The following MYO15A variants were observed in gnomAD, a reference collection of about 807,000 sequenced individuals.
The protein encoded by MYO15A is myosin XVA.
Under a neutral mutation model 394.6 loss-of-function variants are expected in MYO15A, and 308 were observed. The observed-to-expected ratio is 0.78, with a 90% CI of 0.71 to 0.86. The LOEUF (loss-of-function observed/expected upper bound fraction) is 0.86. MYO15A is among the 40% of genes least tolerant of loss of function. The pLI is 0.00. For synonymous variants in MYO15A, 1,957 were observed against 2,003.8 expected (o/e 0.98, Z 0.62); for missense variants, 4,606 against 4,799.1 (o/e 0.96, Z 1.19).
At chr17:18,127,017 G>T in intron 6 of MYO15A, 58 bp from the exon 7 acceptor site, 2 of 1,608,154 alleles carry the variant, frequency 1.2e-6, no homozygotes, top group Non-Finnish European at 1.7e-6. Flanking sequence ...TGGGAGTCAG[G>T]GTGCCCCAGA....
intron 15 of MYO15A, 142 bp from the exon 16 acceptor site, chr17:18,137,442 G>T: frequency 1.4e-6 from 1 of 719,854 alleles, no homozygotes. Context: ...TCTGTCCTGG[G>T]TGCAGCAGGA....
At position 18,126,843 on chromosome 17, in the gene MYO15A, C is replaced by G; in HGVS notation, c.3919C>G (p.Gln1307Glu). The change falls in exon 6 of 66, where the codon CAG becomes GAG. Residue 1307 changes from glutamine to glutamate, a missense_variant. Coordinates refer to ENST00000647165, the MANE Select transcript of MYO15A (RefSeq NM_016239.4). ...LAFAKMLDAK[Q>E]NQCIIISGES... ...CTTCGCCAAAATGCTCGATGCCAAA[C>G]AGAACCAGTGCATAATCATTAGGTG... is the stretch of plus-strand genomic sequence containing the variant. The G allele has an allele frequency of 6.2e-7, 1 of 1,613,988 alleles. No individual in the cohort carries two copies. The highest frequency in any genetic ancestry group is 8.5e-7 in the Non-Finnish European group (1 of 1,180,018).
intron 53 of MYO15A, 103 bp downstream of exon 53, chr17:18,159,100 T>C (rs1224802836): frequency 3.5e-6 from 5 of 1,418,858 alleles, no homozygotes; most frequent in Non-Finnish European, 3.9e-6. Context: ...TGAGACCCTC[T>C]GATTCTCAGC....
intron 47 of MYO15A, chr17:18,155,888 A>G (rs1286080215): frequency 2.2e-6 from 1 of 463,028 alleles, no homozygotes; most frequent in Non-Finnish European, 4.0e-6. Context: ...TGAAAGATGG[A>G]GAGAATTTGG....
rs534687248 is a variant in MYO15A, at chr17:18,120,666, C to T, written c.1866C>T (p.Pro622=). 35 of 1,586,820 alleles carry T rather than the reference C, an allele frequency of 2.2e-5. No individual in the cohort carries two copies. The East Asian group carries it at 4.6e-4, about 21-fold the overall frequency. Residue 622 remains proline (P), a synonymous_variant, in exon 2 of 66, where the codon CCC becomes CCT. Transcript: ENST00000647165. ...TGGCTGGCATGGACCCCGAGAAGCCCGGCACGCCCATCGTGCTGAGGAGGG... is the reference window on the plus strand; with the variant it reads ...TGGCTGGCATGGACCCCGAGAAGCCTGGCACGCCCATCGTGCTGAGGAGGG... ...YKLAGMDPEK[P]GTPIVLRRAQ... is the part of the protein sequence containing the mutation.
At chr17:18,114,219 C>T (rs1267797781) in intron 1 of MYO15A, among the ~76,000 whole-genome samples, 6 of 146,424 alleles carry the variant, frequency 4.1e-5, no homozygotes, top group Admixed American at 1.4e-4. Context: ...GTGTGCCCAC[C>T]TTGTGACCAC....
chr17:18,136,340 C>A, intron 13 of MYO15A, 77 bp from the exon 14 acceptor site: 1 of 1,564,946 alleles, frequency 6.4e-7, no homozygotes, highest in Non-Finnish European at 8.8e-7. Context: ...CATGATCCCA[C>A]TCCCTTAGTC....
intron 61 of MYO15A, among the ~76,000 whole-genome samples, chr17:18,167,241 T>A (rs1410475034): frequency 2.0e-5 from 3 of 152,188 alleles, no homozygotes; most frequent in Non-Finnish European, 4.4e-5. Flanking sequence ...CCTGGCTGTC[T>A]GTTTTGGCAA....
intron 30 of MYO15A, among the ~76,000 whole-genome samples, chr17:18,146,679 C>A (rs553765538): frequency 1.3e-5 from 2 of 152,340 alleles, no homozygotes; most frequent in East Asian, 3.9e-4. Context: ...AATCCCAGCA[C>A]TTTGGGAGGC....
At chr17:18,127,521 C>T (rs982612706) in intron 7 of MYO15A, among the ~76,000 whole-genome samples, 1 of 152,206 alleles carries the variant, frequency 6.6e-6, no homozygotes, top group Non-Finnish European at 1.5e-5. Flanking sequence ...CATATTCTCA[C>T]ACCCAGAAGC....
intron 59 of MYO15A, 29 bp from the exon 60 acceptor site, chr17:18,163,713 T>C: frequency 6.3e-7 from 1 of 1,590,236 alleles, no homozygotes; most frequent in Non-Finnish European, 8.6e-7. Context: ...CCAACTGGCA[T>C]GGCCTCATCT....
At chr17:18,136,097 A>C (rs1246776154) in intron 13 of MYO15A, among the ~76,000 whole-genome samples, 1 of 152,160 alleles carries the variant, frequency 6.6e-6, no homozygotes, top group Non-Finnish European at 1.5e-5. Context: ...TCCTCTAAGA[A>C]GCCTTCCCTA....
chr17:18,137,461 G>C, intron 15 of MYO15A, 123 bp from the exon 16 acceptor site: 1 of 766,550 alleles, frequency 1.3e-6, no homozygotes, highest in Non-Finnish European at 2.3e-6. Flanking sequence ...GAGCTGTGGA[G>C]GGTTGTGAGC....
In MYO15A at chr17:18,125,350, A is replaced by G. The variant is rs2046014375; in HGVS notation, c.3756+119A>G. The G allele has an allele frequency of 6.1e-6, 6 of 988,546 alleles. No homozygotes were observed. The South Asian group carries it at 7.7e-5, about 13-fold the overall frequency. 61.2% of individuals were successfully genotyped at this position (988,546 alleles called of 1,614,324 possible). A position where few individuals can be genotyped will look rare whatever the true frequency, so the allele number is the denominator to read the frequency against. Reference sequence around the variant, plus strand: ...CTAGCCCCTGTGGCCTCTGCCTAGAATGCCAGAGCCTAGAACTAAAATCTG... The same window carrying G: ...CTAGCCCCTGTGGCCTCTGCCTAGAGTGCCAGAGCCTAGAACTAAAATCTG... On this transcript the variant is annotated intron_variant, in intron 4 of 65. Coordinates refer to ENST00000647165, the MANE Select transcript of MYO15A (RefSeq NM_016239.4).
intron 25 of MYO15A, among the ~76,000 whole-genome samples, chr17:18,143,091 G>A (rs750597308): frequency 1.1e-4 from 17 of 152,188 alleles, no homozygotes; most frequent in Non-Finnish European, 1.9e-4. Flanking sequence ...TGGGGTCTTC[G>A]GGAATTGAGG....
intron 62 of MYO15A, among the ~76,000 whole-genome samples, chr17:18,170,329 TTTTTATTTTATTTTATTTTA>T (rs139072222): frequency 5.5e-5 from 8 of 145,950 alleles, no homozygotes; most frequent in Non-Finnish European, 1.2e-4. Context: ...AAGCTCCTTA[TTTTTATTTTATTTTATTTTA>T]TTTTATTTTA....
intron 57 of MYO15A, among the ~76,000 whole-genome samples, chr17:18,161,919 G>T (rs1379304426): frequency 6.6e-6 from 1 of 152,114 alleles, no homozygotes; most frequent in Non-Finnish European, 1.5e-5. Flanking sequence ...CTTCAGCGTT[G>T]TTTCCATAGC....
intron 65 of MYO15A, chr17:18,178,398 T>C: frequency 2.7e-6 from 1 of 368,036 alleles, no homozygotes; most frequent in Non-Finnish European, 5.2e-6. Flanking sequence ...TTACATGCAA[T>C]AAAGCCTCAC....
intron 47 of MYO15A, among the ~76,000 whole-genome samples, chr17:18,155,741 G>A (rs1015507944): frequency 6.6e-6 from 1 of 152,212 alleles, no homozygotes; most frequent in African/African-American, 2.4e-5. Context: ...TGATGCAGCT[G>A]GGGAGGGAAC....
Sources: allele counts gnomAD v4.1 joint callset (sites outside exome capture counted in the v4.1 genomes callset), GRCh38; gene constraint gnomAD v4.1.1; transcripts MANE v1.5; gene names NCBI Gene and HGNC (gene_info 2026-07-23, HGNC 2026-07-21).